Variants in FAM161A observed in about 807,000 individuals in gnomAD.
The protein encoded by FAM161A is FAM161 centrosomal protein A, also known as protein FAM161A.
A neutral mutation model predicts 70.9 loss-of-function variants in FAM161A; 57 were observed. The ratio of observed to expected loss-of-function variants is 0.80; its 90% CI spans 0.65 to 1.00. The LOEUF (loss-of-function observed/expected upper bound fraction) is 1.00, where lower values mean the gene tolerates loss of function less well. Ranked by LOEUF, FAM161A falls within the 50% of genes least tolerant of loss-of-function variation. The pLI is 0.00. For synonymous variants in FAM161A, 299 were observed against 295.7 expected (o/e 1.01, Z -0.12); for missense variants, 880 against 836.0 (o/e 1.05, Z -0.65).
chr2:61,839,490 T>G lies in FAM161A; in HGVS notation c.1514A>C (p.Asn505Thr). The G allele has an allele frequency of 6.2e-7, 1 of 1,614,128 alleles. No individual in the cohort carries two copies. ...RKSPVRCAGV[N>T]PVPCNCNPPV... The stretch of plus-strand genomic sequence containing the variant: ...AGGGTTGCAGTTACAAGGCACAGGG[T>G]TTACACCTGCACATCTTACTGGTGA... Residue 505 changes from asparagine (N) to threonine (T), a missense_variant, in exon 3 of 7, where the codon AAC (asparagine) becomes ACC (threonine). Coordinates refer to ENST00000404929, the MANE Select transcript of FAM161A (RefSeq NM_001201543.2).
At chr2:61,800,315 G>A in the FAM161A span, among the ~76,000 whole-genome samples, 3 of 152,172 alleles carry the variant, frequency 2.0e-5, no homozygotes, top group South Asian at 2.1e-4. Context: ...TCAGCATTGC[G>A]TCTGCATGCA....
rs752553986 is a variant in FAM161A, at chr2:61,826,393, C to T, written c.*62G>A. On this transcript the variant is annotated 3_prime_UTR_variant, in exon 7 of 7. Coordinates refer to ENST00000404929, the MANE Select transcript of FAM161A (RefSeq NM_001201543.2). ...CCCACAGATGTTCTAAACACAAATG[C>T]GGCTGCTGACACCCTGACGCTGCAA... 27 of 1,568,804 alleles carry T rather than the reference C, an allele frequency of 1.7e-5. No individual in the cohort carries two copies. The highest frequency in any genetic ancestry group is 4.5e-5 in the East Asian group (2 of 44,364).
the FAM161A span, among the ~76,000 whole-genome samples, chr2:61,815,958 T>A: frequency 3.3e-5 from 5 of 152,128 alleles, no homozygotes; most frequent in Non-Finnish European, 5.9e-5. Flanking sequence ...TTTTTCTGTG[T>A]CTTGCAAATT....
chr2:61,838,723 A>C lies in FAM161A; in HGVS notation c.1584-18T>G, dbSNP rs1431348637. 6.4e-7 allele frequency: 1 copy of C among 1,569,218 alleles called. No individual in the cohort carries two copies. Among genetic ancestry groups the C allele is most frequent in the African/African-American group, 1.4e-5 (1 of 73,540 alleles). The stretch of plus-strand genomic sequence containing the variant: ...GTGATCTCCTGAGGGTAACAAACTA[A>C]GGCTTAATCCACTTTAAGCCAATCA... On this transcript the variant is annotated intron_variant, in intron 3 of 6. Transcript: ENST00000404929.
At chr2:61,830,966 G>A (rs1177658382) in intron 5 of FAM161A, among the ~76,000 whole-genome samples, 1 of 151,612 alleles carries the variant, frequency 6.6e-6, no homozygotes. Context: ...AAAAAAATTA[G>A]CCAGGCATGG....
chr2:61,826,377 G>T lies in FAM161A; in HGVS notation c.*78C>A. 2 of 1,518,508 alleles carry T rather than the reference G, an allele frequency of 1.3e-6. No individual in the cohort carries two copies. The highest frequency in any genetic ancestry group is 1.8e-5 in the Admixed American group (1 of 56,044). 94.1% of individuals were successfully genotyped at this position (1,518,508 alleles called of 1,614,324 possible). A position where few individuals can be genotyped will look rare whatever the true frequency, so the allele number is the denominator to read the frequency against. On this transcript the variant is annotated 3_prime_UTR_variant, in exon 7 of 7. Coordinates refer to ENST00000404929, the MANE Select transcript of FAM161A (RefSeq NM_001201543.2). Reference sequence around the variant, plus strand: ...ACATATCAGAAGCGTCCCCACAGATGTTCTAAACACAAATGCGGCTGCTGA... The same window carrying T: ...ACATATCAGAAGCGTCCCCACAGATTTTCTAAACACAAATGCGGCTGCTGA...
At chr2:61,832,242 C>CAAAAA in intron 5 of FAM161A, among the ~76,000 whole-genome samples, 1 of 137,308 alleles carries the variant, frequency 7.3e-6, no homozygotes, top group Admixed American at 7.6e-5. Context: ...GACCCTGTCA[C>CAAAAA]ACACACACAA....
the FAM161A span, among the ~76,000 whole-genome samples, chr2:61,804,714 GAGAA>G: frequency 5.6e-5 from 8 of 142,374 alleles, no homozygotes; most frequent in South Asian, 1.1e-3. Context: ...GAGAGAGAAA[GAGAA>G]AGAAAGAAAG....
intron 5 of FAM161A, among the ~76,000 whole-genome samples, chr2:61,829,050 A>G (rs950957424): frequency 2.0e-5 from 3 of 152,164 alleles, no homozygotes; most frequent in Non-Finnish European, 2.9e-5. Flanking sequence ...CAATGTACCA[A>G]TGGCATTCAT....
downstream of FAM161A, among the ~76,000 whole-genome samples, chr2:61,824,623 A>G (rs537062150): frequency 2.0e-5 from 3 of 152,118 alleles, no homozygotes; most frequent in Non-Finnish European, 2.9e-5. Flanking sequence ...AGGTAAGAAA[A>G]CAAGATTGGT....
At chr2:61,841,119 T>C (rs774003892) in intron 2 of FAM161A, among the ~76,000 whole-genome samples, 4 of 152,244 alleles carry the variant, frequency 2.6e-5, no homozygotes, top group Non-Finnish European at 5.9e-5. Context: ...AGGGTCCTTG[T>C]GTCTAACCTC....
chr2:61,813,292 C>G, the FAM161A span, among the ~76,000 whole-genome samples: 3 of 151,474 alleles, frequency 2.0e-5, no homozygotes, highest in African/African-American at 4.9e-5. Context: ...TAAAAATTAG[C>G]CAGCTGTGGC....
At position 61,853,971 on chromosome 2, in the gene FAM161A, C is replaced by T. The variant is rs866298279; in HGVS notation, c.71G>A (p.Gly24Glu). ...SLQTPVNPIT[G>E]ARVAQYERED... ...GCGTTCGTACTGGGCGACCCGCGCT[C>T]CAGTGATGGGATTTACCGGGGTCTG... The change falls in exon 1 of 7, where the codon GGA becomes GAA. Residue 24 changes from glycine to glutamate, a missense_variant. Transcript: ENST00000404929. 1.9e-6 allele frequency: 3 copies of T among 1,613,872 alleles called. No homozygotes were observed. Among genetic ancestry groups the T allele is most frequent in the Middle Eastern group, 3.3e-4 (2 of 6,062 alleles).
intron 5 of FAM161A, among the ~76,000 whole-genome samples, chr2:61,832,162 C>T (rs1337487408): frequency 6.6e-6 from 1 of 150,388 alleles, no homozygotes; most frequent in African/African-American, 2.4e-5. Flanking sequence ...GGAAGATTGC[C>T]TGAGCCCAAG....
At chr2:61,853,554 C>T (rs1185885123) in intron 1 of FAM161A, among the ~76,000 whole-genome samples, 1 of 152,162 alleles carries the variant, frequency 6.6e-6, no homozygotes, top group African/African-American at 2.4e-5. Flanking sequence ...TATATCCATT[C>T]CCGAGATGCT....
At position 61,832,293 on chromosome 2, in the gene FAM161A, C is replaced by CA. The variant is rs140898036; in HGVS notation, c.1851+3716dup. ...AACAACAACAAAAAACCAACAACAA[C>CA]AAAAAAAAACGTACTGCACCCATGA... On this transcript the variant is annotated intron_variant, in intron 5 of 6. Coordinates refer to ENST00000404929, the MANE Select transcript of FAM161A (RefSeq NM_001201543.2). Among the ~76,000 whole-genome samples the CA allele has an allele frequency of 4.9e-3, 700 of 143,558 alleles. 4 individuals carry two copies. Among genetic ancestry groups the CA allele is most frequent in the Non-Finnish European group, 8.3e-3 (542 of 65,182 alleles). The allele number at this position is 143,558 out of a possible 152,430, so 94.2% of individuals were successfully genotyped here.
rs758751113 is a variant in FAM161A at position 61,840,511 on chromosome 2, G to A, written c.493C>T (p.Gln165Ter). 7.4e-6 allele frequency: 12 copies of A among 1,613,736 alleles called. No homozygotes were observed. The highest frequency in any genetic ancestry group is 1.0e-5 in the Non-Finnish European group (12 of 1,179,820). ...GAGGACACATACAAGGAGGAAGACT[G>A]GCCTAAATCAGGCTCTGAAAATGAT... ...MTSFSEPDLG[Q>*]SSSLYVSSSE... Residue 165 changes from glutamine to a stop codon, truncating the protein, a stop_gained, in exon 3 of 7, where the codon CAG (glutamine) becomes TAG (stop). Coordinates refer to ENST00000404929, the MANE Select transcript of FAM161A (RefSeq NM_001201543.2). LOFTEE classifies it high-confidence loss of function.
chr2:61,834,954 G>C (rs1233377006), intron 5 of FAM161A, among the ~76,000 whole-genome samples: 1 of 152,106 alleles, frequency 6.6e-6, no homozygotes, highest in Non-Finnish European at 1.5e-5. Flanking sequence ...ATGTAGAACA[G>C]CTTAAAATGA....
At chr2:61,838,279 A>G (rs190935084) in intron 4 of FAM161A, among the ~76,000 whole-genome samples, 2 of 152,380 alleles carry the variant, frequency 1.3e-5, no homozygotes, top group African/African-American at 2.4e-5. Flanking sequence ...GATTATAACC[A>G]TTAACTAAGG....
Sources: gnomAD v4.1 joint callset for allele counts (sites outside exome capture counted in the v4.1 genomes callset) on GRCh38, gnomAD v4.1.1 for gene constraint, MANE v1.5 for transcripts, NCBI Gene and HGNC (gene_info 2026-07-23, HGNC 2026-07-21) for gene names.